Variants in RBPJ observed in about 807,000 individuals in gnomAD.
RBPJ encodes the protein recombination signal binding protein for immunoglobulin kappa J region, also known as recombining binding protein suppressor of hairless.
A neutral mutation model predicts 67.8 loss-of-function variants in RBPJ; 9 were observed. That is an observed-to-expected ratio of 0.13 (90% confidence interval 0.08 to 0.23). The LOEUF is 0.23. RBPJ is among the 10% of genes least tolerant of loss of function. The pLI, the probability that RBPJ is intolerant of heterozygous loss-of-function variation, is 1.00. For synonymous variants in RBPJ, 198 were observed against 203.3 expected (o/e 0.97, Z 0.22); for missense variants, 305 against 595.6 (o/e 0.51, Z 5.08).
At chr4:26,279,281 T>C (rs1336017255) in intron 1 of RBPJ, among the ~76,000 whole-genome samples, 1 of 150,394 alleles carries the variant, frequency 6.6e-6, no homozygotes, top group Non-Finnish European at 1.5e-5. Flanking sequence ...GGCTGCTGTT[T>C]GATATTTTCT....
intron 1 of RBPJ, among the ~76,000 whole-genome samples, chr4:26,292,875 T>G (rs1030747376): frequency 6.6e-6 from 1 of 150,626 alleles, no homozygotes; most frequent in African/African-American, 2.4e-5. Flanking sequence ...CAGTGGACAC[T>G]TAGGTTGTTT....
At chr4:26,319,154 C>CG (rs1360072626), upstream of RBPJ, among the ~76,000 whole-genome samples, 1 of 151,920 alleles carries the variant, frequency 6.6e-6, no homozygotes, top group East Asian at 1.9e-4. Context: ...CTCCCGGAGG[C>CG]GGGGGGCGCG....
the RBPJ span, among the ~76,000 whole-genome samples, chr4:26,147,099 G>A: frequency 1.9e-4 from 29 of 152,352 alleles, no homozygotes; most frequent in South Asian, 2.1e-3. Context: ...GCCCTCAAGC[G>A]TGATTGAATC....
chr4:26,283,628 T>C (rs965884546), intron 1 of RBPJ, among the ~76,000 whole-genome samples: 20 of 151,080 alleles, frequency 1.3e-4, no homozygotes, highest in Non-Finnish European at 2.5e-4. Flanking sequence ...TCTTCTTTCC[T>C]GCTGAATACA....
At chr4:26,152,048 T>C in the RBPJ span, among the ~76,000 whole-genome samples, 2 of 152,188 alleles carry the variant, frequency 1.3e-5, no homozygotes, top group Admixed American at 6.5e-5. Flanking sequence ...AATAAGATTC[T>C]CATTCAAAAG....
chr4:26,124,452 A>G, the RBPJ span, among the ~76,000 whole-genome samples: 2 of 100,592 alleles, frequency 2.0e-5, no homozygotes, highest in East Asian at 2.4e-4. Flanking sequence ...ATATATATAT[A>G]TATATATATA....
At chr4:26,327,542 G>GTTTTTTTTTT (rs11350013) in intron 1 of RBPJ, among the ~76,000 whole-genome samples, 177 of 104,888 alleles carry the variant, frequency 1.7e-3, no homozygotes, top group Non-Finnish European at 2.1e-3. Context: ...GACCCTGGAG[G>GTTTTTTTTTT]TTTTTTTTTT....
At chr4:26,318,510 G>A (rs1216818929), upstream of RBPJ, among the ~76,000 whole-genome samples, 1 of 152,084 alleles carries the variant, frequency 6.6e-6, no homozygotes, top group African/African-American at 2.4e-5. Flanking sequence ...TTAGTGGGAG[G>A]AAAAAACAGA....
chr4:26,327,400 T>C (rs933285184), intron 1 of RBPJ, among the ~76,000 whole-genome samples: 1 of 152,168 alleles, frequency 6.6e-6, no homozygotes, highest in Non-Finnish European at 1.5e-5. Flanking sequence ...TTGGGAATAT[T>C]TATACTATTT....
chr4:26,186,024 C>T (rs547284643), intron 1 of RBPJ, among the ~76,000 whole-genome samples: 2 of 151,484 alleles, frequency 1.3e-5, no homozygotes, highest in East Asian at 1.9e-4. Context: ...CCAGCGTAGG[C>T]GACAAGAGTG....
intron 1 of RBPJ, among the ~76,000 whole-genome samples, chr4:26,369,334 C>G (rs886493775): frequency 6.6e-6 from 1 of 152,192 alleles, no homozygotes; most frequent in African/African-American, 2.4e-5. Context: ...GTGTGTTATG[C>G]TAACAATGAA....
intron 1 of RBPJ, among the ~76,000 whole-genome samples, chr4:26,256,289 G>GA (rs34220565): frequency 0.011 from 1,392 of 127,778 alleles, 6 homozygotes; most frequent in African/African-American, 0.02. Context: ...CTGGCTTCTG[G>GA]AAAAAAAAAA....
At chr4:26,255,126 C>G (rs532823942) in intron 1 of RBPJ, among the ~76,000 whole-genome samples, 1 of 147,014 alleles carries the variant, frequency 6.8e-6, no homozygotes, top group South Asian at 2.3e-4. Flanking sequence ...ACATCTAGGC[C>G]GGGCGTGGTG....
the RBPJ span, among the ~76,000 whole-genome samples, chr4:26,150,996 G>A: frequency 1.3e-5 from 2 of 152,174 alleles, no homozygotes; most frequent in Non-Finnish European, 2.9e-5. Flanking sequence ...CCCTATATGA[G>A]CAGCCCTGAG....
rs184825113 is a variant in RBPJ at position 26,291,608 on chromosome 4, G to A, written c.-166-70838G>A. On this transcript the variant is annotated intron_variant, in intron 1 of 4. Coordinates refer to the RBPJ transcript ENST00000512351. ...TTTTTTTTTTTTGAGATGGAGTCTC[G>A]CTCTGTCGCCCAGGCCAGAGTGCAG... Among the ~76,000 whole-genome samples the A allele has an allele frequency of 2.0e-4, 30 of 149,140 alleles. 1 individual carries two copies. Among genetic ancestry groups the A allele is most frequent in the African/African-American group, 6.2e-4 (25 of 40,486 alleles).
At chr4:26,398,524 G>A (rs185433931) in intron 2 of RBPJ, among the ~76,000 whole-genome samples, 1 of 152,322 alleles carries the variant, frequency 6.6e-6, no homozygotes, top group Admixed American at 6.5e-5. Context: ...GAAACACTAA[G>A]CTATGGATTA....
chr4:26,152,437 C>T, the RBPJ span, among the ~76,000 whole-genome samples: 1 of 152,208 alleles, frequency 6.6e-6, no homozygotes, highest in Non-Finnish European at 1.5e-5. Flanking sequence ...AGCAGCATGG[C>T]CTAGCCCCTT....
chr4:26,270,352 CAAGA>C (rs1466522038), intron 1 of RBPJ, among the ~76,000 whole-genome samples: 1 of 50,478 alleles, frequency 2.0e-5, no homozygotes, highest in African/African-American at 8.4e-5. Flanking sequence ...AGGGAGAGAG[CAAGA>C]GAAAGAAAGA....
intron 3 of RBPJ, among the ~76,000 whole-genome samples, chr4:26,408,958 G>A (rs1733749929): frequency 6.6e-6 from 1 of 152,212 alleles, no homozygotes; most frequent in African/African-American, 2.4e-5. Flanking sequence ...TTACCTAGGT[G>A]AGATTGGGCT....
Sources: allele counts gnomAD v4.1 joint callset (sites outside exome capture counted in the v4.1 genomes callset), GRCh38; gene constraint gnomAD v4.1.1; transcripts MANE v1.5; gene names NCBI Gene and HGNC (gene_info 2026-07-23, HGNC 2026-07-21).